PPP6R3: variants seen among roughly 807,000 people sequenced by gnomAD.
PPP6R3 encodes serine/threonine-protein phosphatase 6 regulatory subunit 3.
PPP6R3 carries 38 observed loss-of-function variants against 110.7 expected under a neutral mutation model. The observed-to-expected ratio is 0.34, with a 90% CI of 0.26 to 0.45. The LOEUF (loss-of-function observed/expected upper bound fraction) is 0.45, where lower values mean the gene tolerates loss of function less well. Ranked by LOEUF, PPP6R3 falls within the 20% of genes least tolerant of loss-of-function variation. The probability of loss-of-function intolerance (pLI) is 1.00; values close to 1 mark genes in which losing one functional copy is unlikely to be tolerated. For synonymous variants in PPP6R3, 369 were observed against 373.5 expected (o/e 0.99, Z 0.14); for missense variants, 870 against 1,062.4 (o/e 0.82, Z 2.52).
At chr11:68,611,092 G>C (rs1329087186) in intron 23 of PPP6R3, among the ~76,000 whole-genome samples, 2 of 152,196 alleles carry the variant, frequency 1.3e-5, no homozygotes, top group Non-Finnish European at 2.9e-5. Flanking sequence ...AAGGCTTTTG[G>C]GGGAAGAGGC....
intron 18 of PPP6R3, among the ~76,000 whole-genome samples, chr11:68,594,329 A>AGT (rs1566084364): frequency 3.1e-5 from 4 of 130,918 alleles, no homozygotes; most frequent in African/African-American, 1.5e-4. Flanking sequence ...AAAAAGAGAG[A>AGT]GAGAGTGAGA....
At chr11:68,481,445 G>A (rs1242176863) in intron 1 of PPP6R3, among the ~76,000 whole-genome samples, 1 of 152,216 alleles carries the variant, frequency 6.6e-6, no homozygotes, top group Non-Finnish European at 1.5e-5. Flanking sequence ...TGGAGCCAAG[G>A]AGTTTGAAAT....
At chr11:68,529,311 C>T (rs753653844) in intron 2 of PPP6R3, among the ~76,000 whole-genome samples, 9 of 152,114 alleles carry the variant, frequency 5.9e-5, no homozygotes, top group African/African-American at 2.2e-4. Flanking sequence ...CTCTGCCAAC[C>T]GGGTTCAAGT....
intron 22 of PPP6R3, 41 bp from the exon 23 acceptor site, chr11:68,609,863 C>A (rs764965657): frequency 1.2e-6 from 2 of 1,611,838 alleles, no homozygotes; most frequent in African/African-American, 2.7e-5. Context: ...AGGTGCTGGT[C>A]CCTAGGGTGT....
At chr11:68,509,744 A>ATTTTTTTTTTTTTTTT (rs59022544) in intron 1 of PPP6R3, among the ~76,000 whole-genome samples, 1 of 102,152 alleles carries the variant, frequency 9.8e-6, no homozygotes, top group Non-Finnish European at 1.9e-5. Context: ...CATGTGGCTA[A>ATTTTTTTTTTTTTTTT]TTTTTTTTTT....
At chr11:68,569,986 GC>G (rs1243019897) in intron 11 of PPP6R3, 89 bp downstream of exon 11, 1 of 1,234,842 alleles carries the variant, frequency 8.1e-7, no homozygotes, top group African/African-American at 1.5e-5. Context: ...GGTTTAAAGG[GC>G]TTGAGGTTAG....
intron 1 of PPP6R3, among the ~76,000 whole-genome samples, chr11:68,482,623 T>A (rs981536235): frequency 1.3e-5 from 2 of 152,136 alleles, no homozygotes; most frequent in African/African-American, 4.8e-5. Context: ...TGTAAACTTT[T>A]TTATTCAACT....
chr11:68,568,035 C>A (rs2099485809), intron 10 of PPP6R3, among the ~76,000 whole-genome samples: 1 of 151,842 alleles, frequency 6.6e-6, no homozygotes. Context: ...TTGAATTCAC[C>A]CAATTTCAAA....
rs765548301 is a variant in PPP6R3 at position 68,528,903 on chromosome 11, A to C, written c.-6-8756A>C. ...CAGCCTCCAGGTGTCTGGACACTGC[A>C]TCAGTAGATGAGCCAGTATGAACAG... is the stretch of plus-strand genomic sequence containing the variant. On this transcript the variant is annotated intron_variant, in intron 2 of 23. Transcript: ENST00000393800. Among the ~76,000 whole-genome samples, 3 of 152,216 alleles carry C rather than the reference A, an allele frequency of 2.0e-5. No individual in the cohort carries two copies. The East Asian group carries it at 5.8e-4, about 29-fold the overall frequency.
intron 2 of PPP6R3, among the ~76,000 whole-genome samples, chr11:68,527,883 G>A (rs2099208825): frequency 6.6e-6 from 1 of 152,184 alleles, no homozygotes; most frequent in African/African-American, 2.4e-5. Flanking sequence ...CCTGTCCACT[G>A]CTTTCAGGGA....
intron 13 of PPP6R3, among the ~76,000 whole-genome samples, chr11:68,575,704 T>C (rs1197096160): frequency 6.6e-6 from 1 of 152,200 alleles, no homozygotes. Flanking sequence ...GCTCTTGGCC[T>C]CATCAAGCCT....
At chr11:68,489,262 G>A (rs189047845) in intron 1 of PPP6R3, among the ~76,000 whole-genome samples, 14 of 151,804 alleles carry the variant, frequency 9.2e-5, no homozygotes, top group Non-Finnish European at 1.5e-4. Context: ...CTCATGATCC[G>A]CCCGCCTCGG....
At chr11:68,562,571 A>T (rs1188179976) in intron 8 of PPP6R3, among the ~76,000 whole-genome samples, 1 of 152,256 alleles carries the variant, frequency 6.6e-6, no homozygotes, top group Non-Finnish European at 1.5e-5. Context: ...ATAGACATAC[A>T]GATCACTGGG....
At position 68,613,130 on chromosome 11, in the gene PPP6R3, G is replaced by A. The variant is rs754323376; in HGVS notation, c.*13G>A. ...TGGCCCTGTATGACGGGTGACGTCTGCTGCTGCTGACTGAGGACTGCAGAC... is the reference window on the plus strand; with the variant it reads ...TGGCCCTGTATGACGGGTGACGTCTACTGCTGCTGACTGAGGACTGCAGAC... On this transcript the variant is annotated 3_prime_UTR_variant, in exon 24 of 24. Coordinates refer to ENST00000393800, the MANE Select transcript of PPP6R3 (RefSeq NM_001164161.2). 3.1e-5 allele frequency: 50 copies of A among 1,613,018 alleles called. No individual in the cohort carries two copies. Among genetic ancestry groups the A allele is most frequent in the Non-Finnish European group, 4.2e-5 (50 of 1,179,520 alleles).
At chr11:68,498,136 A>G (rs1458879557) in intron 1 of PPP6R3, among the ~76,000 whole-genome samples, 1 of 152,232 alleles carries the variant, frequency 6.6e-6, no homozygotes, top group East Asian at 1.9e-4. Context: ...AATTGGACCA[A>G]GGGGTATATA....
intron 3 of PPP6R3, among the ~76,000 whole-genome samples, chr11:68,542,598 TG>T (rs1420216811): frequency 1.3e-5 from 2 of 151,894 alleles, no homozygotes; most frequent in African/African-American, 4.8e-5. Flanking sequence ...TTTGCCACAT[TG>T]GCCAGGCTGG....
At chr11:68,534,240 G>A (rs900993869) in intron 2 of PPP6R3, among the ~76,000 whole-genome samples, 1 of 152,190 alleles carries the variant, frequency 6.6e-6, no homozygotes, top group Admixed American at 6.6e-5. Context: ...AGAAAGCAAA[G>A]TGGGTGTTAA....
chr11:68,611,222 A>G (rs1226101662), intron 23 of PPP6R3, among the ~76,000 whole-genome samples: 1 of 152,034 alleles, frequency 6.6e-6, no homozygotes, highest in African/African-American at 2.4e-5. Context: ...CTCATTCCCA[A>G]TCAATTATTT....
At chr11:68,598,142 T>C (rs2099619799) in intron 19 of PPP6R3, among the ~76,000 whole-genome samples, 1 of 152,204 alleles carries the variant, frequency 6.6e-6, no homozygotes, top group Non-Finnish European at 1.5e-5. Context: ...TTCTCTGGGG[T>C]TGACTAGTCT....
Sources: gnomAD v4.1 joint callset for allele counts (sites outside exome capture counted in the v4.1 genomes callset) on GRCh38, gnomAD v4.1.1 for gene constraint, MANE v1.5 for transcripts, NCBI Gene and HGNC (gene_info 2026-07-23, HGNC 2026-07-21) for gene names.